NBEA: variants seen among roughly 807,000 people sequenced by gnomAD.
NBEA encodes neurobeachin, also known as lysosomal-trafficking regulator 2.
Under a neutral mutation model 343.4 loss-of-function variants are expected in NBEA, and 44 were observed. The observed-to-expected ratio is 0.13, with a 90% CI of 0.10 to 0.16. The LOEUF is 0.16. Among genes scored for constraint, NBEA ranks in the 10% least tolerant of loss-of-function variants. The pLI is 1.00. For synonymous variants in NBEA, 1,175 were observed against 1,238.7 expected, an observed-to-expected ratio of 0.95 and a Z score of 1.08; for missense variants, 2,555 against 3,631.3, an observed-to-expected ratio of 0.70 and a Z score of 7.62.
chr13:35,383,910 A>G (rs1019330756), intron 38 of NBEA, among the ~76,000 whole-genome samples: 1 of 152,050 alleles, frequency 6.6e-6, no homozygotes, highest in African/African-American at 2.4e-5. Flanking sequence ...AGGTAAATGT[A>G]TAGTTTCTTC....
chr13:35,659,333 T>C (rs376991650), intron 55 of NBEA, among the ~76,000 whole-genome samples: 45 of 152,340 alleles, frequency 3.0e-4, no homozygotes, highest in African/African-American at 9.4e-4. Context: ...TGATAGGATT[T>C]ATCATTTAAC....
intron 36 of NBEA, among the ~76,000 whole-genome samples, chr13:35,333,209 A>C (rs920005837): frequency 4.6e-5 from 7 of 152,248 alleles, no homozygotes; most frequent in Admixed American, 4.6e-4. Context: ...AAGGGCTGCA[A>C]AGGTTAGAAT....
chr13:34,997,415 T>C (rs940139240), intron 1 of NBEA, among the ~76,000 whole-genome samples: 1 of 152,108 alleles, frequency 6.6e-6, no homozygotes, highest in African/African-American at 2.4e-5. Context: ...CATTGATATA[T>C]GAACTCATTC....
At chr13:35,669,190 T>G (rs1263450077) in intron 58 of NBEA, among the ~76,000 whole-genome samples, 1 of 152,180 alleles carries the variant, frequency 6.6e-6, no homozygotes, top group Non-Finnish European at 1.5e-5. Flanking sequence ...TTTCCTGAAA[T>G]TTACCTTTGG....
At chr13:34,993,256 G>A (rs987527515) in intron 1 of NBEA, among the ~76,000 whole-genome samples, 5 of 152,008 alleles carry the variant, frequency 3.3e-5, no homozygotes, top group African/African-American at 1.2e-4. Flanking sequence ...TATTTTTTCA[G>A]TTATTTCATG....
intron 36 of NBEA, among the ~76,000 whole-genome samples, chr13:35,314,045 T>C (rs2037548363): frequency 6.6e-6 from 1 of 151,828 alleles, no homozygotes; most frequent in South Asian, 2.1e-4. Flanking sequence ...CTGAGAGGGG[T>C]GCATTGAGAT....
At chr13:35,499,574 C>T (rs2076810106) in intron 41 of NBEA, among the ~76,000 whole-genome samples, 1 of 152,042 alleles carries the variant, frequency 6.6e-6, no homozygotes, top group East Asian at 1.9e-4. Flanking sequence ...CCCTTATTTG[C>T]TATTCCCTTT....
intron 41 of NBEA, among the ~76,000 whole-genome samples, chr13:35,484,476 C>T (rs975767293): frequency 2.0e-5 from 3 of 151,794 alleles, no homozygotes; most frequent in African/African-American, 7.3e-5. Flanking sequence ...TTGCTCTCCA[C>T]GCTGCATTAG....
intron 36 of NBEA, among the ~76,000 whole-genome samples, chr13:35,322,944 G>T (rs1168170971): frequency 6.6e-6 from 1 of 152,106 alleles, no homozygotes; most frequent in Non-Finnish European, 1.5e-5. Flanking sequence ...CCATTTCCAA[G>T]GCTCAAGCAA....
chr13:35,587,739 C>T (rs1212512085), intron 46 of NBEA, among the ~76,000 whole-genome samples: 2 of 152,188 alleles, frequency 1.3e-5, no homozygotes, highest in Non-Finnish European at 2.9e-5. Context: ...TATCCCTAAT[C>T]AGCTAAACAC....
chr13:35,275,020 T>C (rs1331587919), intron 34 of NBEA, among the ~76,000 whole-genome samples: 1 of 152,178 alleles, frequency 6.6e-6, no homozygotes, highest in African/African-American at 2.4e-5. Flanking sequence ...AAGTTTCATA[T>C]GGAACCAAAA....
At chr13:35,669,340 TAATC>T (rs1244059614) in intron 58 of NBEA, among the ~76,000 whole-genome samples, 2 of 152,216 alleles carry the variant, frequency 1.3e-5, no homozygotes, top group Non-Finnish European at 1.5e-5. Context: ...AAAAGCTTGT[TAATC>T]AACGTTTTTC....
intron 13 of NBEA, among the ~76,000 whole-genome samples, chr13:35,113,390 A>T (rs1174348374): frequency 6.6e-6 from 1 of 152,144 alleles, no homozygotes; most frequent in East Asian, 1.9e-4. Flanking sequence ...TTGGTAATTA[A>T]TAAGTATTTG....
At chr13:35,147,753 G>A (rs920480090) in intron 18 of NBEA, among the ~76,000 whole-genome samples, 3 of 152,098 alleles carry the variant, frequency 2.0e-5, no homozygotes, top group African/African-American at 7.2e-5. Context: ...GGATCATTTA[G>A]GATATCTGGT....
intron 13 of NBEA, among the ~76,000 whole-genome samples, chr13:35,111,560 A>T (rs1371612995): frequency 6.6e-6 from 1 of 152,068 alleles, no homozygotes; most frequent in Non-Finnish European, 1.5e-5. Context: ...ATATATAAAA[A>T]TATTTAAACT....
chr13:35,446,797 A>G (rs1235873461), intron 39 of NBEA, among the ~76,000 whole-genome samples: 1 of 152,050 alleles, frequency 6.6e-6, no homozygotes, highest in East Asian at 1.9e-4. Flanking sequence ...AGATAGATAC[A>G]CATATATACC....
chr13:35,330,777 A>G (rs1444885416), intron 36 of NBEA, among the ~76,000 whole-genome samples: 1 of 152,044 alleles, frequency 6.6e-6, no homozygotes, highest in Non-Finnish European at 1.5e-5. Flanking sequence ...TTGAGAGAAT[A>G]GCTTATCAAT....
At chr13:35,432,114 A>G (rs555190908) in intron 38 of NBEA, among the ~76,000 whole-genome samples, 155 bp from the exon 39 acceptor site, 11 of 152,042 alleles carry the variant, frequency 7.2e-5, no homozygotes, top group African/African-American at 2.2e-4. Flanking sequence ...ATATATGTAT[A>G]TATATACACA....
At chr13:35,177,172 A>G in intron 28 of NBEA, 69 bp downstream of exon 28, 3 of 1,220,100 alleles carry the variant, frequency 2.5e-6, no homozygotes, top group South Asian at 2.7e-5. Flanking sequence ...TACGTTTTAT[A>G]AGAAAGCTGC....
Sources: allele counts gnomAD v4.1 joint callset (sites outside exome capture counted in the v4.1 genomes callset), GRCh38; gene constraint gnomAD v4.1.1; transcripts MANE v1.5; gene names NCBI Gene and HGNC (gene_info 2026-07-23, HGNC 2026-07-21).